GALNT14: variants seen among roughly 807,000 people sequenced by gnomAD.
GALNT14 encodes UDP-GalNAc:polypeptide N-acetylgalactosaminyltransferase 14.
Under a neutral mutation model 77.5 loss-of-function variants are expected in GALNT14, and 60 were observed. The ratio of observed to expected loss-of-function variants is 0.77; its 90% CI spans 0.63 to 0.96. GALNT14 has a LOEUF of 0.96. Among genes scored for constraint, GALNT14 ranks in the 40% least tolerant of loss-of-function variants. The pLI is 0.00. For synonymous variants in GALNT14, 280 were observed against 281.7 expected, an observed-to-expected ratio of 0.99 and a Z score of 0.06; for missense variants, 710 against 731.0, an observed-to-expected ratio of 0.97 and a Z score of 0.33.
chr2:30,986,846 GTCTCTCCTC>G (rs1669330162), intron 2 of GALNT14: 1 of 152,210 alleles, frequency 6.6e-6, no homozygotes, highest in Admixed American at 6.5e-5. Context: ...TGGAAATGAA[GTCTCTCCTC>G]TGTGTGAGCA....
At chr2:30,895,266 G>C in the GALNT14 span, among the ~76,000 whole-genome samples, 4 of 152,178 alleles carry the variant, frequency 2.6e-5, no homozygotes, top group African/African-American at 9.7e-5. Flanking sequence ...ACACACAGTA[G>C]GGGTGGGGGA....
intron 11 of GALNT14, among the ~76,000 whole-genome samples, chr2:30,927,878 G>T (rs1665484553): frequency 6.6e-6 from 1 of 152,168 alleles, no homozygotes; most frequent in Non-Finnish European, 1.5e-5. Context: ...GGCATTCCCA[G>T]TTCTGTTCAG....
intron 1 of GALNT14, among the ~76,000 whole-genome samples, chr2:31,094,445 A>G (rs1322851899): frequency 2.0e-5 from 3 of 152,246 alleles, no homozygotes; most frequent in East Asian, 3.9e-4. Context: ...TCACTTGGAC[A>G]TGCATGACAG....
rs1432415430 is a variant in GALNT14 at position 30,911,337 on chromosome 2, G to A, written c.1501-278C>T. 2.0e-5 allele frequency among the ~76,000 whole-genome samples: 3 copies of A among 152,154 alleles called. No homozygotes were observed. In the East Asian group the frequency reaches 5.8e-4, roughly 29 times the overall value. ...TTCCAAGCAGTAGCCCAGAAAACAT[G>A]AAGCGAGTTAGTCACAGGAGCAACC... On this transcript the variant is annotated intron_variant, in intron 14 of 14. Coordinates refer to ENST00000349752, the MANE Select transcript of GALNT14 (RefSeq NM_024572.4).
rs773209787 is a variant in GALNT14, at chr2:30,966,251, G to A, written c.351C>T (p.Ile117=). Residue 117 remains isoleucine, a synonymous_variant, in exon 3 of 15, where the codon ATC becomes ATT. Coordinates refer to ENST00000349752, the MANE Select transcript of GALNT14 (RefSeq NM_024572.4). The part of the protein sequence containing the change: ...CTDLPPTSII[I]TFHNEARSTL... ...TGGAGCGGGCCTCGTTGTGGAAGGT[G>A]ATGATGATGCTAGTGGGTGGAAGGT... 1.2e-6 allele frequency: 2 copies of A among 1,614,056 alleles called. No individual in the cohort carries two copies. Among genetic ancestry groups the A allele is most frequent in the Admixed American group, 3.3e-5 (2 of 60,028 alleles).
intron 2 of GALNT14, among the ~76,000 whole-genome samples, chr2:30,989,083 C>T (rs1387428728): frequency 1.3e-5 from 2 of 152,142 alleles, no homozygotes; most frequent in African/African-American, 4.8e-5. Flanking sequence ...GAAGCGCTTA[C>T]CTAGAGCAGT....
intron 2 of GALNT14, among the ~76,000 whole-genome samples, chr2:30,983,205 A>T (rs1226884851): frequency 6.6e-6 from 1 of 151,990 alleles, no homozygotes; most frequent in Admixed American, 6.6e-5. Flanking sequence ...TAAGGTGGGG[A>T]GGTACTAGGG....
At chr2:30,949,646 T>C (rs2148300030) in intron 6 of GALNT14, among the ~76,000 whole-genome samples, 1 of 152,318 alleles carries the variant, frequency 6.6e-6, no homozygotes, top group South Asian at 2.1e-4. Flanking sequence ...CCATCAGGCC[T>C]CTCATTTCTC....
At chr2:31,010,923 T>G (rs1190377083) in intron 1 of GALNT14, among the ~76,000 whole-genome samples, 1 of 152,184 alleles carries the variant, frequency 6.6e-6, no homozygotes, top group Non-Finnish European at 1.5e-5. Flanking sequence ...CCATTTTGCC[T>G]ACAAAAAACT....
At chr2:31,036,518 AGTTAGATAGGAAAAGCGTTACAGAC>A (rs1672746359) in intron 1 of GALNT14, among the ~76,000 whole-genome samples, 2 of 152,302 alleles carry the variant, frequency 1.3e-5, no homozygotes, top group South Asian at 4.1e-4. Context: ...CTGTCTTTTA[AGTTAGATAGGAAAAGCGTTACAGAC>A]AAAAATACAT....
At chr2:30,934,251 G>A (rs989580279) in intron 9 of GALNT14, among the ~76,000 whole-genome samples, 1 of 152,146 alleles carries the variant, frequency 6.6e-6, no homozygotes, top group African/African-American at 2.4e-5. Flanking sequence ...GAGGAACCTG[G>A]AGGTCGGTGC....
chr2:31,023,233 A>G lies in GALNT14; in HGVS notation c.130-30226T>C, dbSNP rs547611013. 3.9e-5 allele frequency among the ~76,000 whole-genome samples: 6 copies of G among 152,268 alleles called. No individual in the cohort carries two copies. The East Asian group carries it at 5.8e-4, about 15-fold the overall frequency. The stretch of plus-strand genomic sequence containing the variant: ...AAAATTGAGAATGGTGAATATCTCA[A>G]TTTTCTCTGGAGTAAAGTTTCCAGT... On this transcript the variant is annotated intron_variant, in intron 1 of 14. Coordinates refer to ENST00000349752, the MANE Select transcript of GALNT14 (RefSeq NM_024572.4).
At chr2:30,933,228 C>T (rs541687505) in intron 9 of GALNT14, among the ~76,000 whole-genome samples, 1 of 152,326 alleles carries the variant, frequency 6.6e-6, no homozygotes, top group African/African-American at 2.4e-5. Context: ...TAACTGACCA[C>T]AGCGAGGGCA....
chr2:31,133,426 C>A (rs750208220), intron 1 of GALNT14, among the ~76,000 whole-genome samples: 18 of 152,144 alleles, frequency 1.2e-4, no homozygotes, highest in Non-Finnish European at 2.4e-4. Flanking sequence ...ATACTTAAGG[C>A]ATTGGTGGGA....
intron 1 of GALNT14, among the ~76,000 whole-genome samples, chr2:31,025,711 A>G (rs79761728): frequency 0.018 from 2,694 of 152,276 alleles, 88 homozygotes; most frequent in African/African-American, 0.061. Context: ...TCTCCAGAGA[A>G]ACAGAACCAA....
chr2:30,933,222 T>A (rs1665847689), intron 9 of GALNT14, among the ~76,000 whole-genome samples: 1 of 152,196 alleles, frequency 6.6e-6, no homozygotes, highest in African/African-American at 2.4e-5. Flanking sequence ...ACCCCCTAAC[T>A]GACCACAGCG....
intron 1 of GALNT14, among the ~76,000 whole-genome samples, chr2:31,124,064 G>T (rs1678563690): frequency 6.6e-6 from 1 of 152,104 alleles, no homozygotes; most frequent in Non-Finnish European, 1.5e-5. Context: ...TCCTACACAG[G>T]GCTTCCCACA....
intron 1 of GALNT14, chr2:31,078,960 C>A: frequency 7.8e-7 from 1 of 1,289,294 alleles, no homozygotes; most frequent in Non-Finnish European, 1.0e-6. Context: ...TGGGCCATGG[C>A]TGTTCCATGC....
intron 2 of GALNT14, among the ~76,000 whole-genome samples, chr2:30,971,284 C>CA (rs1408339255): frequency 6.6e-6 from 1 of 152,082 alleles, no homozygotes; most frequent in Non-Finnish European, 1.5e-5. Context: ...CGCCAGCAGA[C>CA]AGACGAGCAA....
Sources: gnomAD v4.1 joint callset for allele counts (sites outside exome capture counted in the v4.1 genomes callset) on GRCh38, gnomAD v4.1.1 for gene constraint, MANE v1.5 for transcripts, NCBI Gene and HGNC (gene_info 2026-07-23, HGNC 2026-07-21) for gene names.